The following CYB5R4 variants were observed in gnomAD, a reference collection of about 807,000 sequenced individuals.
CYB5R4 encodes cytochrome b5 reductase 4.
A neutral mutation model predicts 70.2 loss-of-function variants in CYB5R4; 55 were observed. That is an observed-to-expected ratio of 0.78 (90% confidence interval 0.63 to 0.98). CYB5R4 has a LOEUF of 0.98. Among genes scored for constraint, CYB5R4 ranks in the 50% least tolerant of loss-of-function variants. The probability of loss-of-function intolerance (pLI) is 0.00; values close to 1 mark genes in which losing one functional copy is unlikely to be tolerated. For synonymous variants in CYB5R4, 197 were observed against 199.5 expected (o/e 0.99, Z 0.11); for missense variants, 562 against 612.6 (o/e 0.92, Z 0.87).
At chr6:83,869,793 A>C (rs941225209) in intron 2 of CYB5R4, among the ~76,000 whole-genome samples, 1 of 152,042 alleles carries the variant, frequency 6.6e-6, no homozygotes, top group African/African-American at 2.4e-5. Context: ...ATTGCACTCC[A>C]GCCTGGGCGA....
intron 5 of CYB5R4, 152 bp downstream of exon 5, chr6:83,914,600 C>G: frequency 3.3e-6 from 2 of 614,708 alleles, no homozygotes; most frequent in Non-Finnish European, 4.9e-6. Flanking sequence ...TGCAGTGGCA[C>G]CATCTCAGCT....
At chr6:83,928,984 C>T (rs1294266677) in intron 10 of CYB5R4, among the ~76,000 whole-genome samples, 1 of 152,014 alleles carries the variant, frequency 6.6e-6, no homozygotes, top group Non-Finnish European at 1.5e-5. Flanking sequence ...CCTGAAACAC[C>T]ATTAAAAAAG....
chr6:83,919,662 A>G (rs909359760), intron 7 of CYB5R4, among the ~76,000 whole-genome samples: 1 of 152,110 alleles, frequency 6.6e-6, no homozygotes, highest in Non-Finnish European at 1.5e-5. Context: ...CAGATCTGGC[A>G]TTTGGAACTC....
intron 15 of CYB5R4, among the ~76,000 whole-genome samples, chr6:83,958,661 G>T (rs1459041390): frequency 6.6e-6 from 1 of 152,136 alleles, no homozygotes; most frequent in Non-Finnish European, 1.5e-5. Context: ...CACTGTGTTG[G>T]CTTCAACTCC....
At chr6:83,911,041 A>G (rs930400528) in intron 4 of CYB5R4, among the ~76,000 whole-genome samples, 28 of 152,210 alleles carry the variant, frequency 1.8e-4, no homozygotes, top group African/African-American at 6.5e-4. Flanking sequence ...TAAGGTAAAG[A>G]TAGTTTAAAA....
At chr6:83,922,511 A>AATTTT in intron 9 of CYB5R4, 41 bp downstream of exon 9, 2 of 1,429,162 alleles carry the variant, frequency 1.4e-6, no homozygotes, top group Non-Finnish European at 9.8e-7. Context: ...GTACGTACAT[A>AATTTT]TACACATACC....
intron 2 of CYB5R4, among the ~76,000 whole-genome samples, chr6:83,886,040 A>G (rs1290496727): frequency 6.6e-6 from 1 of 152,196 alleles, no homozygotes; most frequent in East Asian, 1.9e-4. Context: ...CATAAAGACA[A>G]GGAATTTATT....
intron 2 of CYB5R4, among the ~76,000 whole-genome samples, chr6:83,879,926 G>A (rs1455151783): frequency 6.6e-6 from 1 of 152,050 alleles, no homozygotes; most frequent in East Asian, 1.9e-4. Context: ...GGGTTCATGT[G>A]GTTCATCTCC....
intron 14 of CYB5R4, among the ~76,000 whole-genome samples, chr6:83,953,488 A>C (rs992054468): frequency 6.6e-6 from 1 of 152,078 alleles, no homozygotes; most frequent in African/African-American, 2.4e-5. Flanking sequence ...AAAAAACAAA[A>C]AAAACAAAAG....
intron 10 of CYB5R4, among the ~76,000 whole-genome samples, chr6:83,931,554 A>C (rs2099468141): frequency 6.6e-6 from 1 of 152,022 alleles, no homozygotes; most frequent in Admixed American, 6.6e-5. Context: ...TATCCTCAGT[A>C]TTTCACCCTT....
chr6:83,957,576 C>T (rs1266884585), intron 15 of CYB5R4, among the ~76,000 whole-genome samples: 3 of 145,478 alleles, frequency 2.1e-5, no homozygotes, highest in Admixed American at 7.1e-5. Context: ...GAGCCAGGAT[C>T]GCGCCATTGC....
intron 3 of CYB5R4, among the ~76,000 whole-genome samples, chr6:83,898,559 T>G (rs921976820): frequency 1.3e-5 from 2 of 152,210 alleles, no homozygotes; most frequent in Non-Finnish European, 2.9e-5. Context: ...TTGGGCAGTA[T>G]GGCCATTTTC....
intron 14 of CYB5R4, among the ~76,000 whole-genome samples, chr6:83,953,855 C>T (rs189293355): frequency 2.0e-5 from 3 of 152,198 alleles, no homozygotes; most frequent in African/African-American, 7.2e-5. Flanking sequence ...GACTTGTCAT[C>T]TCAGATCACT....
intron 1 of CYB5R4, 114 bp downstream of exon 1, chr6:83,859,971 C>T (rs1198217427): frequency 5.0e-6 from 5 of 1,009,970 alleles, no homozygotes; most frequent in African/African-American, 4.9e-5. Flanking sequence ...GCTGTCGTTC[C>T]CTGCTGTCCT....
chr6:83,905,931 A>G (rs2099463690), intron 3 of CYB5R4, among the ~76,000 whole-genome samples: 1 of 151,996 alleles, frequency 6.6e-6, no homozygotes, highest in South Asian at 2.1e-4. Flanking sequence ...CCAGGTTGGT[A>G]TGTCCAACCT....
intron 3 of CYB5R4, among the ~76,000 whole-genome samples, chr6:83,898,156 G>A (rs1215466639): frequency 6.6e-6 from 1 of 152,106 alleles, no homozygotes; most frequent in Non-Finnish European, 1.5e-5. Context: ...TGTAAGGAAG[G>A]GGTCCAGTTT....
rs2099460151 is a variant in CYB5R4 at position 83,885,738 on chromosome 6, C to T, written c.230-7784C>T. On this transcript the variant is annotated intron_variant, in intron 2 of 15. Transcript: ENST00000369681. ...TCAGATTTTATAGATGGCTTTTCTTCTCTGTGGAGAGTTGGAATAGTGACT... is the reference window on the plus strand; with the variant it reads ...TCAGATTTTATAGATGGCTTTTCTTTTCTGTGGAGAGTTGGAATAGTGACT... Among the ~76,000 whole-genome samples, 3 of 152,062 alleles carry T rather than the reference C, an allele frequency of 2.0e-5. No individual in the cohort carries two copies. In the East Asian group the frequency reaches 5.8e-4, roughly 29 times the overall value.
At chr6:83,952,085 G>T (rs2099471624) in intron 14 of CYB5R4, among the ~76,000 whole-genome samples, 1 of 152,154 alleles carries the variant, frequency 6.6e-6, no homozygotes, top group African/African-American at 2.4e-5. Flanking sequence ...TTTTACACTA[G>T]AGTGGATTGG....
At chr6:83,934,764 A>G in intron 11 of CYB5R4, 29 bp downstream of exon 11, 3 of 1,587,220 alleles carry the variant, frequency 1.9e-6, no homozygotes, top group Middle Eastern at 1.7e-4. Flanking sequence ...TTGGGACACA[A>G]TTTATTCTTT....
Sources: gnomAD v4.1 joint callset for allele counts (sites outside exome capture counted in the v4.1 genomes callset) on GRCh38, gnomAD v4.1.1 for gene constraint, MANE v1.5 for transcripts, NCBI Gene and HGNC (gene_info 2026-07-23, HGNC 2026-07-21) for gene names.